The following CDK5RAP2 variants were observed in gnomAD, a reference collection of about 807,000 sequenced individuals.
CDK5RAP2 encodes CDK5 regulatory subunit associated protein 2, also known as CDK5 regulatory subunit-associated protein 2.
Under a neutral mutation model 232.9 loss-of-function variants are expected in CDK5RAP2, and 147 were observed. That is an observed-to-expected ratio of 0.63 (90% CI 0.55 to 0.72). The LOEUF is 0.72. Among genes scored for constraint, CDK5RAP2 ranks in the 30% least tolerant of loss-of-function variants. The pLI is 0.00. For missense variants in CDK5RAP2, 2,195 were observed against 2,231.5 expected (o/e 0.98, Z 0.33); for synonymous variants, 833 against 833.7 (o/e 1.00, Z 0.01).
chr9:120,570,412 T>C (rs1264948657), intron 2 of CDK5RAP2, among the ~76,000 whole-genome samples: 1 of 152,190 alleles, frequency 6.6e-6, no homozygotes, highest in Non-Finnish European at 1.5e-5. Flanking sequence ...ACATCTTTGC[T>C]CCTGACACTG....
In CDK5RAP2 at chr9:120,413,068, CAATT is replaced by C; in HGVS notation, c.4298-1598_4298-1595del. 1.3e-5 allele frequency among the ~76,000 whole-genome samples: 2 copies of C among 152,190 alleles called. 1 individual carries two copies. The highest frequency in any genetic ancestry group is 2.9e-5 in the Non-Finnish European group (2 of 68,042). ...GCTATTACCATTTGTATTACTAAAA[CAATT>C]AATGATAGACTGGACCCAAAATAGC... On this transcript the variant is annotated intron_variant, in intron 28 of 37. Coordinates refer to ENST00000349780, the MANE Select transcript of CDK5RAP2 (RefSeq NM_018249.6).
intron 23 of CDK5RAP2, chr9:120,440,255 C>T (rs1268228688): frequency 2.1e-6 from 1 of 465,350 alleles, no homozygotes; most frequent in South Asian, 2.3e-5. Context: ...CCCACACACA[C>T]ACCCCCTAAA....
intron 12 of CDK5RAP2, among the ~76,000 whole-genome samples, chr9:120,513,720 G>T (rs1202423200): frequency 6.6e-6 from 1 of 152,200 alleles, no homozygotes; most frequent in Non-Finnish European, 1.5e-5. Flanking sequence ...TTGTCTAGTA[G>T]AGGGCTTGCA....
intron 12 of CDK5RAP2, among the ~76,000 whole-genome samples, chr9:120,491,884 C>T (rs1000041942): frequency 2.0e-5 from 3 of 152,046 alleles, no homozygotes; most frequent in Non-Finnish European, 4.4e-5. Flanking sequence ...TGTCATAAGG[C>T]TGAGGTAACA....
intron 3 of CDK5RAP2, among the ~76,000 whole-genome samples, chr9:120,557,334 T>C (rs959441883): frequency 2.0e-5 from 3 of 152,172 alleles, no homozygotes; most frequent in Admixed American, 2.0e-4. Flanking sequence ...CCATACTGCA[T>C]TGTCCTAGCT....
intron 6 of CDK5RAP2, among the ~76,000 whole-genome samples, chr9:120,537,339 G>A (rs959800902): frequency 9.9e-5 from 15 of 152,090 alleles, no homozygotes; most frequent in Admixed American, 5.9e-4. Flanking sequence ...TCCATCACAG[G>A]AAGCTCAGAA....
At chr9:120,524,001 GATACGGGATGACAGTAAAA>G (rs1460661032) in intron 11 of CDK5RAP2, among the ~76,000 whole-genome samples, 3 of 152,132 alleles carry the variant, frequency 2.0e-5, no homozygotes, top group Non-Finnish European at 1.5e-5. Flanking sequence ...AGGTAAGGGA[GATACGGGATGACAGTAAAA>G]GCACAGTCTT....
intron 25 of CDK5RAP2, among the ~76,000 whole-genome samples, chr9:120,425,655 C>T (rs2034848525): frequency 1.3e-5 from 2 of 152,238 alleles, no homozygotes; most frequent in South Asian, 2.1e-4. Flanking sequence ...ACTTTTGAAA[C>T]AGTACTTCCG....
intron 26 of CDK5RAP2, among the ~76,000 whole-genome samples, chr9:120,421,852 G>A (rs1172281092): frequency 2.0e-5 from 3 of 152,246 alleles, no homozygotes; most frequent in Non-Finnish European, 4.4e-5. Flanking sequence ...ATTGGATGGA[G>A]TGTGACAGAT....
chr9:120,446,687 C>T (rs2036211420), intron 22 of CDK5RAP2, among the ~76,000 whole-genome samples: 1 of 152,202 alleles, frequency 6.6e-6, no homozygotes. Flanking sequence ...AACTCTCCCT[C>T]TTCCTCACTC....
At chr9:120,412,976 T>C (rs963003040) in intron 28 of CDK5RAP2, among the ~76,000 whole-genome samples, 1 of 152,236 alleles carries the variant, frequency 6.6e-6, no homozygotes, top group East Asian at 1.9e-4. Flanking sequence ...TCTGGCTTAA[T>C]AGCTGCATGA....
intron 5 of CDK5RAP2, among the ~76,000 whole-genome samples, chr9:120,543,011 A>G (rs2041702408): frequency 1.3e-5 from 2 of 152,198 alleles, no homozygotes; most frequent in East Asian, 1.9e-4. Context: ...AAGCAAGAAC[A>G]TTTTAGCATC....
At chr9:120,507,942 A>AATATATATATATATATATATATAT (rs1157642617) in intron 12 of CDK5RAP2, among the ~76,000 whole-genome samples, 1 of 32,548 alleles carries the variant, frequency 3.1e-5, no homozygotes, top group African/African-American at 1.1e-4. Context: ...AAAAAAAAAA[A>AATATATATATATATATATATATAT]ATATATATAT....
chr9:120,537,895 T>C (rs1447924679), intron 6 of CDK5RAP2, among the ~76,000 whole-genome samples: 1 of 152,154 alleles, frequency 6.6e-6, no homozygotes, highest in Non-Finnish European at 1.5e-5. Context: ...ATTTTACAGA[T>C]GACAAAGCAG....
intron 17 of CDK5RAP2, among the ~76,000 whole-genome samples, chr9:120,469,640 C>T (rs1388992498): frequency 1.3e-5 from 2 of 152,150 alleles, no homozygotes; most frequent in South Asian, 2.1e-4. Context: ...AAACCTGGAA[C>T]GTTATTCATT....
At chr9:120,456,955 G>A (rs1318006819) in intron 20 of CDK5RAP2, among the ~76,000 whole-genome samples, 1 of 152,108 alleles carries the variant, frequency 6.6e-6, no homozygotes, top group Non-Finnish European at 1.5e-5. Context: ...CCTTTTCTAC[G>A]GTTCAGTCCA....
intron 12 of CDK5RAP2, among the ~76,000 whole-genome samples, chr9:120,508,090 A>T (rs2039917412): frequency 6.6e-6 from 1 of 151,654 alleles, no homozygotes. Context: ...CCAGATGGAG[A>T]ATGAGAAGGT....
intron 28 of CDK5RAP2, among the ~76,000 whole-genome samples, chr9:120,412,930 G>T (rs1017660618): frequency 2.0e-5 from 3 of 152,080 alleles, no homozygotes; most frequent in East Asian, 3.8e-4. Context: ...GCGAACTCTG[G>T]TATCTTTTCA....
rs139290949 is a variant in CDK5RAP2 at position 120,443,732 on chromosome 9, A to C, written c.3036T>G (p.Pro1012=). Residue 1012 remains proline (P), a synonymous_variant, in exon 23 of 38, where the codon CCT becomes CCG. Coordinates refer to ENST00000349780, the MANE Select transcript of CDK5RAP2 (RefSeq NM_018249.6). ...GGCTGTCCTGGTAGGCTGCTCCCAC[A>C]GGGGGCTGAGCTACAGGCAATCACA... ...PDKTLLNAQP[P]VGAAYQDSPG... The C allele has an allele frequency of 6.2e-7, 1 of 1,614,072 alleles. No individual in the cohort carries two copies. The highest frequency in any genetic ancestry group is 1.3e-5 in the African/African-American group (1 of 75,042).
Sources: allele counts gnomAD v4.1 joint callset (sites outside exome capture counted in the v4.1 genomes callset), GRCh38; gene constraint gnomAD v4.1.1; transcripts MANE v1.5; gene names NCBI Gene and HGNC (gene_info 2026-07-23, HGNC 2026-07-21).